Variants in CNTN5 observed in about 807,000 individuals in gnomAD.
CNTN5 encodes the protein contactin 5.
CNTN5 carries 77 observed loss-of-function variants against 129.1 expected under a neutral mutation model. The ratio of observed to expected loss-of-function variants is 0.60; its 90% confidence interval spans 0.50 to 0.72. CNTN5 has a LOEUF of 0.72. Among genes scored for constraint, CNTN5 ranks in the 30% least tolerant of loss-of-function variants. CNTN5 has a pLI of 0.00. For missense variants in CNTN5, 1,478 were observed against 1,328.8 expected (o/e 1.11, Z -1.75); for synonymous variants, 509 against 465.6 (o/e 1.09, Z -1.20).
chr11:100,236,780 A>G lies in CNTN5; in HGVS notation c.2005+11968A>G, dbSNP rs148853827. Among the ~76,000 whole-genome samples the G allele has an allele frequency of 3.8e-4, 58 of 152,154 alleles. No individual in the cohort carries two copies. In the East Asian group the frequency reaches 9.1e-3, roughly 24 times the overall value. On this transcript the variant is annotated intron_variant, in intron 16 of 24. Coordinates refer to ENST00000524871, the MANE Select transcript of CNTN5 (RefSeq NM_014361.4). Reference sequence around the variant, plus strand: ...TTTCAGAAGGCCTGCTCCTTTCCCTATAGTTTCTCTCACCTCTCTCACTGA... The same window carrying G: ...TTTCAGAAGGCCTGCTCCTTTCCCTGTAGTTTCTCTCACCTCTCTCACTGA...
At chr11:100,210,945 A>G (rs900004832) in intron 15 of CNTN5, among the ~76,000 whole-genome samples, 2 of 152,218 alleles carry the variant, frequency 1.3e-5, no homozygotes, top group African/African-American at 4.8e-5. Flanking sequence ...TTGAAGTAAT[A>G]TAACTATTTC....
At chr11:99,838,259 C>A (rs758376717) in intron 4 of CNTN5, among the ~76,000 whole-genome samples, 6 of 152,202 alleles carry the variant, frequency 3.9e-5, no homozygotes, top group Middle Eastern at 6.8e-3. Flanking sequence ...GAAATGATGC[C>A]TGAAATGAAT....
intron 13 of CNTN5, among the ~76,000 whole-genome samples, chr11:100,167,165 A>T (rs572207446): frequency 1.6e-4 from 25 of 151,854 alleles, no homozygotes; most frequent in African/African-American, 4.6e-4. Flanking sequence ...AAAACAGTAC[A>T]CTGAGTTTAA....
Position 99,385,919 on chromosome 11 carries a change from A to G in CNTN5, c.-71+60435A>G, listed in dbSNP as rs143338508. Among the ~76,000 whole-genome samples the G allele has an allele frequency of 1.6e-3, 245 of 152,314 alleles. 5 individuals are homozygous for G. The highest frequency in any genetic ancestry group is 5.7e-3 in the African/African-American group (237 of 41,580). On this transcript the variant is annotated intron_variant, in intron 2 of 24. Coordinates refer to ENST00000524871, the MANE Select transcript of CNTN5 (RefSeq NM_014361.4). ...AATGACTACATAAATTTGAAACCCC[A>G]TTCATAGCTATGCATTTCCTGTATA...
intron 1 of CNTN5, among the ~76,000 whole-genome samples, chr11:99,150,164 A>AG (rs1859982836): frequency 6.6e-6 from 1 of 152,072 alleles, no homozygotes; most frequent in African/African-American, 2.4e-5. Flanking sequence ...AATTTTAGGA[A>AG]GTACAACAAA....
chr11:99,323,370 T>C (rs1865649818), intron 1 of CNTN5, among the ~76,000 whole-genome samples: 1 of 152,150 alleles, frequency 6.6e-6, no homozygotes, highest in South Asian at 2.1e-4. Flanking sequence ...GTTTTGCTTC[T>C]AAGAAGCAAA....
chr11:99,656,250 T>C (rs550686332), intron 3 of CNTN5, among the ~76,000 whole-genome samples: 50 of 152,286 alleles, frequency 3.3e-4, no homozygotes, highest in African/African-American at 1.2e-3. Context: ...AAGTGTGTCC[T>C]AATAAGCTTT....
chr11:99,733,722 A>G (rs1221478385), intron 3 of CNTN5, among the ~76,000 whole-genome samples: 1 of 152,228 alleles, frequency 6.6e-6, no homozygotes, highest in Non-Finnish European at 1.5e-5. Context: ...GTGAGGGGAC[A>G]GAGGTCATAA....
chr11:99,154,334 T>C (rs966638224), intron 1 of CNTN5, among the ~76,000 whole-genome samples: 4 of 152,178 alleles, frequency 2.6e-5, no homozygotes, highest in African/African-American at 9.6e-5. Context: ...ACACCAGTTG[T>C]TGCGGGGCTG....
intron 20 of CNTN5, among the ~76,000 whole-genome samples, chr11:100,306,128 G>C (rs780015074): frequency 6.6e-6 from 1 of 151,518 alleles, no homozygotes; most frequent in African/African-American, 2.4e-5. Context: ...CTGTCATTCA[G>C]TTATATGAAA....
At chr11:99,291,106 T>G (rs1361306046) in intron 1 of CNTN5, among the ~76,000 whole-genome samples, 1 of 151,910 alleles carries the variant, frequency 6.6e-6, no homozygotes, top group Admixed American at 6.6e-5. Context: ...TGGGATTCTC[T>G]AATTTATTTA....
intron 9 of CNTN5, among the ~76,000 whole-genome samples, chr11:100,056,299 C>G (rs12293072): frequency 6.6e-6 from 1 of 151,150 alleles, no homozygotes; most frequent in Non-Finnish European, 1.5e-5. Context: ...TAAATTGGAG[C>G]AACAAAATCA....
chr11:99,253,361 C>G (rs1318447188), intron 1 of CNTN5, among the ~76,000 whole-genome samples: 1 of 152,054 alleles, frequency 6.6e-6, no homozygotes, highest in Non-Finnish European at 1.5e-5. Context: ...TCAGATATGT[C>G]TTTATTAGCA....
At chr11:99,723,358 G>T (rs1238548153) in intron 3 of CNTN5, among the ~76,000 whole-genome samples, 1 of 152,038 alleles carries the variant, frequency 6.6e-6, no homozygotes, top group African/African-American at 2.4e-5. Flanking sequence ...ACTGCAAGTG[G>T]CCCTTTAGTG....
chr11:100,335,106 A>T (rs1952006877), intron 21 of CNTN5, among the ~76,000 whole-genome samples: 1 of 152,006 alleles, frequency 6.6e-6, no homozygotes, highest in African/African-American at 2.4e-5. Context: ...GTGGGCAGGG[A>T]GATTCAGGAG....
intron 2 of CNTN5, among the ~76,000 whole-genome samples, chr11:99,485,933 C>G (rs1009478095): frequency 6.6e-6 from 1 of 151,934 alleles, no homozygotes; most frequent in Non-Finnish European, 1.5e-5. Flanking sequence ...TAATCATGGA[C>G]TAATAATTAC....
chr11:100,245,310 A>G (rs1949819149), intron 16 of CNTN5, among the ~76,000 whole-genome samples: 2 of 152,130 alleles, frequency 1.3e-5, no homozygotes, highest in South Asian at 2.1e-4. Flanking sequence ...ATTTCTCCCA[A>G]ACTTCATACA....
intron 4 of CNTN5, among the ~76,000 whole-genome samples, chr11:99,827,210 C>T (rs1946990521): frequency 6.6e-6 from 1 of 152,152 alleles, no homozygotes; most frequent in Non-Finnish European, 1.5e-5. Context: ...ACGTCAGCCT[C>T]TCTGGTAGCT....
intron 6 of CNTN5, among the ~76,000 whole-genome samples, chr11:99,850,749 G>T (rs1433994523): frequency 6.6e-6 from 1 of 152,080 alleles, no homozygotes; most frequent in Non-Finnish European, 1.5e-5. Context: ...ATATTTCCCT[G>T]GTGGTCAGAG....
Sources: allele counts gnomAD v4.1 joint callset (sites outside exome capture counted in the v4.1 genomes callset), GRCh38; gene constraint gnomAD v4.1.1; transcripts MANE v1.5; gene names NCBI Gene and HGNC (gene_info 2026-07-23, HGNC 2026-07-21).